CPQ: variants seen among roughly 807,000 people sequenced by gnomAD.
The protein encoded by CPQ is Ser-Met dipeptidase.
Under a neutral mutation model 45.7 loss-of-function variants are expected in CPQ, and 37 were observed. The ratio of observed to expected loss-of-function variants is 0.81; its 90% CI spans 0.62 to 1.07. CPQ has a LOEUF of 1.07. CPQ is among the 50% of genes least tolerant of loss of function. The pLI is 0.00. For synonymous variants in CPQ, 186 were observed against 205.8 expected (o/e 0.90, Z 0.82); for missense variants, 537 against 572.9 (o/e 0.94, Z 0.64).
intron 1 of CPQ, among the ~76,000 whole-genome samples, chr8:96,722,162 G>T (rs537795309): frequency 6.0e-4 from 92 of 152,210 alleles, no homozygotes; most frequent in African/African-American, 2.1e-3. Context: ...TCACAAGTAG[G>T]TATTCCATTA....
At chr8:96,706,011 G>C (rs1222484202) in intron 1 of CPQ, among the ~76,000 whole-genome samples, 2 of 152,066 alleles carry the variant, frequency 1.3e-5, no homozygotes, top group Non-Finnish European at 2.9e-5. Context: ...TTCTGGCTAG[G>C]TGCCTCTGCT....
chr8:96,786,736 C>T (rs1434926861), intron 2 of CPQ, among the ~76,000 whole-genome samples: 1 of 152,090 alleles, frequency 6.6e-6, no homozygotes, highest in African/African-American at 2.4e-5. Context: ...GGAGTGGTAT[C>T]TCATTGTGGT....
chr8:96,785,389 A>C (rs1810755095), intron 2 of CPQ, 59 bp downstream of exon 2: 2 of 1,294,590 alleles, frequency 1.5e-6, no homozygotes, highest in Admixed American at 2.3e-5. Flanking sequence ...CCTTGGTGTA[A>C]TTGAGTACAA....
intron 7 of CPQ, among the ~76,000 whole-genome samples, chr8:97,101,918 CTCT>C (rs1811313609): frequency 9.4e-5 from 1 of 10,678 alleles, no homozygotes; most frequent in African/African-American, 2.4e-4. Context: ...TGGTGGCTCT[CTCT>C]CTCTCTCTCT....
chr8:97,024,436 C>A (rs1047840209), intron 5 of CPQ, among the ~76,000 whole-genome samples: 1 of 152,132 alleles, frequency 6.6e-6, no homozygotes, highest in Non-Finnish European at 1.5e-5. Context: ...AATGCTCCCC[C>A]AAAATGCCTA....
chr8:96,982,779 T>C (rs986559222), intron 5 of CPQ, among the ~76,000 whole-genome samples: 1 of 152,212 alleles, frequency 6.6e-6, no homozygotes, highest in Non-Finnish European at 1.5e-5. Flanking sequence ...GTGATTCTCA[T>C]TGAGTCCAGG....
chr8:96,881,507 G>A (rs943404837), intron 4 of CPQ, among the ~76,000 whole-genome samples: 1 of 152,116 alleles, frequency 6.6e-6, no homozygotes, highest in Non-Finnish European at 1.5e-5. Flanking sequence ...CCTCACCTCC[G>A]ACATTCGAAT....
At chr8:96,673,205 G>T (rs1307836089) in intron 1 of CPQ, among the ~76,000 whole-genome samples, 1 of 152,156 alleles carries the variant, frequency 6.6e-6, no homozygotes, top group Admixed American at 6.5e-5. Context: ...AGCAACGGAA[G>T]TACAGATTTA....
intron 1 of CPQ, among the ~76,000 whole-genome samples, chr8:96,669,003 C>T (rs750470874): frequency 6.6e-6 from 1 of 152,188 alleles, no homozygotes; most frequent in Non-Finnish European, 1.5e-5. Flanking sequence ...TGGCCCCACC[C>T]TTATGTATTC....
In CPQ at chr8:96,810,790, C is replaced by T. The variant is rs569638458; in HGVS notation, c.434-24183C>T. The stretch of plus-strand genomic sequence containing the variant: ...AGAGACAGCTATAGTCTTGTCAGTC[C>T]TTTCACTCTGTTATTTCTCATTGAA... On this transcript the variant is annotated intron_variant, in intron 2 of 7. Coordinates refer to ENST00000220763, the MANE Select transcript of CPQ (RefSeq NM_016134.4). 4.1e-4 allele frequency among the ~76,000 whole-genome samples: 62 copies of T among 152,228 alleles called. 2 individuals carry two copies. The highest frequency in any genetic ancestry group is 3.4e-3 in the Middle Eastern group (1 of 294).
chr8:96,645,740 G>A (rs186703730), intron 1 of CPQ, among the ~76,000 whole-genome samples: 2 of 151,912 alleles, frequency 1.3e-5, no homozygotes, highest in African/African-American at 4.8e-5. Context: ...CAGCTCCAGG[G>A]CTCAGCCCCA....
chr8:96,943,924 G>T (rs1270445507), intron 4 of CPQ, among the ~76,000 whole-genome samples: 2 of 152,072 alleles, frequency 1.3e-5, no homozygotes, highest in African/African-American at 2.4e-5. Context: ...AGATGTTAAA[G>T]ATCTTACTGC....
chr8:96,818,186 T>A (rs1335518706), intron 2 of CPQ, among the ~76,000 whole-genome samples: 1 of 151,880 alleles, frequency 6.6e-6, no homozygotes, highest in Admixed American at 6.6e-5. Context: ...GAGCACCATG[T>A]ACTGCACCCA....
At chr8:96,865,577 T>C (rs1348730836) in intron 3 of CPQ, among the ~76,000 whole-genome samples, 1 of 152,078 alleles carries the variant, frequency 6.6e-6, no homozygotes, top group Non-Finnish European at 1.5e-5. Context: ...TTGGAGGGGT[T>C]GCAACACGGC....
intron 1 of CPQ, among the ~76,000 whole-genome samples, chr8:96,706,753 AG>A (rs1809535449): frequency 6.6e-6 from 1 of 152,152 alleles, no homozygotes; most frequent in African/African-American, 2.4e-5. Flanking sequence ...AAAGTTATAG[AG>A]GAGGAAATGA....
intron 2 of CPQ, among the ~76,000 whole-genome samples, chr8:96,793,187 A>G (rs1013136771): frequency 1.3e-5 from 2 of 152,180 alleles, no homozygotes; most frequent in Non-Finnish European, 2.9e-5. Flanking sequence ...TTATTATAGA[A>G]AGCATGTACA....
At chr8:96,853,290 G>T (rs1442958286) in intron 3 of CPQ, among the ~76,000 whole-genome samples, 1 of 152,164 alleles carries the variant, frequency 6.6e-6, no homozygotes, top group Non-Finnish European at 1.5e-5. Flanking sequence ...AGGCCAGGGC[G>T]CTGTGACAGG....
At chr8:97,018,452 G>T (rs1809619093) in intron 5 of CPQ, among the ~76,000 whole-genome samples, 1 of 152,182 alleles carries the variant, frequency 6.6e-6, no homozygotes. Context: ...GGAGGTACCA[G>T]AGAGAAACAA....
chr8:96,984,086 T>C (rs1176526197), intron 5 of CPQ, among the ~76,000 whole-genome samples: 3 of 152,144 alleles, frequency 2.0e-5, no homozygotes, highest in Non-Finnish European at 2.9e-5. Context: ...CTCTCCACTA[T>C]TTAGAAACTT....
Sources: gnomAD v4.1 joint callset for allele counts (sites outside exome capture counted in the v4.1 genomes callset) on GRCh38, gnomAD v4.1.1 for gene constraint, MANE v1.5 for transcripts, NCBI Gene and HGNC (gene_info 2026-07-23, HGNC 2026-07-21) for gene names.